The following CAB39 variants were observed in gnomAD, a reference collection of about 807,000 sequenced individuals.
CAB39 encodes the protein calcium binding protein 39, also known as calcium-binding protein 39.
Under a neutral mutation model 40.0 loss-of-function variants are expected in CAB39, and 8 were observed. The ratio of observed to expected loss-of-function variants is 0.20; its 90% CI spans 0.12 to 0.36. The LOEUF is 0.36. CAB39 is among the 10% of genes least tolerant of loss of function. CAB39 has a pLI of 1.00. For missense variants in CAB39, 270 were observed against 401.1 expected (o/e 0.67, Z 2.79); for synonymous variants, 156 against 141.6 (o/e 1.10, Z -0.72).
intron 4 of CAB39, among the ~76,000 whole-genome samples, chr2:230,795,105 G>A (rs1056521103): frequency 2.0e-5 from 3 of 151,978 alleles, no homozygotes; most frequent in Non-Finnish European, 2.9e-5. Flanking sequence ...GTGAAACCCC[G>A]CCTCTACTAA....
intron 1 of CAB39, among the ~76,000 whole-genome samples, chr2:230,734,045 C>A (rs1694741873): frequency 6.6e-6 from 1 of 152,184 alleles, no homozygotes; most frequent in South Asian, 2.1e-4. Context: ...CACTCGCAGC[C>A]CGCACTAGGC....
chr2:230,794,895 G>A (rs969470964), intron 4 of CAB39, among the ~76,000 whole-genome samples: 2 of 152,120 alleles, frequency 1.3e-5, no homozygotes, highest in African/African-American at 4.8e-5. Context: ...ACACAGTTAC[G>A]TTACCATTTG....
rs1481732192 is a variant in CAB39, at chr2:230,734,242, ACTGT to A, written c.-44+21017_-44+21020del. On this transcript the variant is annotated intron_variant, in intron 1 of 8. Transcript: ENST00000258418. ...AACCAAGAATACAGGCACTTTTAAG[ACTGT>A]CTGTTTCCTACTGCATTTCCTTGCT... is the stretch of plus-strand genomic sequence containing the variant. 9.2e-5 allele frequency among the ~76,000 whole-genome samples: 14 copies of A among 152,320 alleles called. No individual in the cohort carries two copies. In the East Asian group the frequency reaches 1.3e-3, roughly 15 times the overall value.
At position 230,819,154 on chromosome 2, in the gene CAB39, A is replaced by G. The variant is rs115168898; in HGVS notation, c.*450A>G. On this transcript the variant is annotated 3_prime_UTR_variant, in exon 9 of 9. Coordinates refer to ENST00000258418, the MANE Select transcript of CAB39 (RefSeq NM_016289.4). ...CGCGCACCTTCGCTGAAGGAAGATG[A>G]CGCAGAGCTTTATCTGAAATCAGAG... is the stretch of plus-strand genomic sequence containing the variant. The G allele has an allele frequency of 2.7e-3, 418 of 152,914 alleles. 1 individual carries two copies. The highest frequency in any genetic ancestry group is 6.8e-3 in the Middle Eastern group (2 of 296). 9.5% of individuals were successfully genotyped at this position (152,914 alleles called of 1,614,324 possible). A position where few individuals can be genotyped will look rare whatever the true frequency, so the allele number is the denominator to read the frequency against.
intron 1 of CAB39, among the ~76,000 whole-genome samples, chr2:230,740,451 G>T (rs552017274): frequency 6.6e-6 from 1 of 152,270 alleles, no homozygotes; most frequent in South Asian, 2.1e-4. Flanking sequence ...AGGAATAATT[G>T]TTCAGTCCTG....
chr2:230,771,449 C>T (rs1249137454), intron 2 of CAB39, among the ~76,000 whole-genome samples: 1 of 152,118 alleles, frequency 6.6e-6, no homozygotes, highest in African/African-American at 2.4e-5. Context: ...GAGTTGTACA[C>T]TGAAACCTGC....
At chr2:230,813,636 G>A (rs962271378) in intron 6 of CAB39, among the ~76,000 whole-genome samples, 2 of 152,084 alleles carry the variant, frequency 1.3e-5, no homozygotes, top group Non-Finnish European at 2.9e-5. Flanking sequence ...TTGAATTCTT[G>A]TTTATATAAA....
chr2:230,722,661 C>T (rs561007332), intron 1 of CAB39, among the ~76,000 whole-genome samples: 4 of 152,324 alleles, frequency 2.6e-5, no homozygotes, highest in African/African-American at 4.8e-5. Flanking sequence ...GTAAGAATGC[C>T]ATGCATAGCG....
rs377112339 is a variant in CAB39, at chr2:230,761,326, T to C, written c.114+1211T>C. Among the ~76,000 whole-genome samples the C allele has an allele frequency of 1.1e-4, 17 of 152,354 alleles. No homozygotes were observed. In the East Asian group the frequency reaches 2.9e-3, roughly 26 times the overall value. On this transcript the variant is annotated intron_variant, in intron 2 of 8. Transcript: ENST00000258418. The stretch of plus-strand genomic sequence containing the variant: ...ATCATCATTCCTGACTCTGAATTTA[T>C]ATGCTACCGATAAGCAGTCATTTTC...
At chr2:230,786,092 A>C (rs928714513) in intron 2 of CAB39, among the ~76,000 whole-genome samples, 1 of 136,938 alleles carries the variant, frequency 7.3e-6, no homozygotes, top group Non-Finnish European at 1.5e-5. Flanking sequence ...TGAACCCGGG[A>C]GGTGGAACTT....
At chr2:230,783,600 G>T (rs925388844) in intron 2 of CAB39, among the ~76,000 whole-genome samples, 1 of 92,934 alleles carries the variant, frequency 1.1e-5, no homozygotes, top group African/African-American at 4.3e-5. Flanking sequence ...CCAGGCTCAA[G>T]CAATCCTCCC....
At chr2:230,791,287 T>C (rs1385467471) in intron 3 of CAB39, among the ~76,000 whole-genome samples, 6 of 152,216 alleles carry the variant, frequency 3.9e-5, no homozygotes, top group Non-Finnish European at 7.3e-5. Context: ...ATATTCATTA[T>C]GCCATTTCAT....
chr2:230,797,627 C>T (rs1696010712), intron 4 of CAB39, among the ~76,000 whole-genome samples: 1 of 151,496 alleles, frequency 6.6e-6, no homozygotes, highest in Non-Finnish European at 1.5e-5. Context: ...CAGAAAATGC[C>T]TAACTAATTC....
At chr2:230,750,895 CA>C (rs1218312898) in intron 1 of CAB39, among the ~76,000 whole-genome samples, 1 of 152,170 alleles carries the variant, frequency 6.6e-6, no homozygotes, top group Non-Finnish European at 1.5e-5. Flanking sequence ...TCAGTTGAGG[CA>C]TAACAAAGTC....
intron 2 of CAB39, among the ~76,000 whole-genome samples, chr2:230,774,709 G>A (rs1695555158): frequency 6.6e-6 from 1 of 152,140 alleles, no homozygotes; most frequent in African/African-American, 2.4e-5. Flanking sequence ...TAAGAGGGGG[G>A]AAAGGGAGTA....
rs1440000053 is a variant in CAB39 at position 230,712,991 on chromosome 2, A to C, written c.-283A>C. On this transcript the variant is annotated 5_prime_UTR_variant, in exon 1 of 9. Transcript: ENST00000258418. ...CGCCGGGCCCCACAGCAGCAGCCGC[A>C]GCCCAAGCGAGCGCAGCAGCGCGGC... The C allele has an allele frequency of 6.6e-6, 1 of 150,952 alleles. No individual in the cohort carries two copies. The highest frequency in any genetic ancestry group is 2.4e-5 in the African/African-American group (1 of 41,286). The allele number at this position is 150,952 out of a possible 1,614,324, so 9.4% of individuals were successfully genotyped here. A position where few individuals can be genotyped will look rare whatever the true frequency, so the allele number is the denominator to read the frequency against.
intron 2 of CAB39, among the ~76,000 whole-genome samples, chr2:230,760,822 G>C (rs575355322): frequency 1.1e-4 from 16 of 152,104 alleles, no homozygotes; most frequent in African/African-American, 3.6e-4. Context: ...TCCCTAAATT[G>C]TTTATGATTC....
chr2:230,725,493 T>A, intron 1 of CAB39: 1 of 1,109,128 alleles, frequency 9.0e-7, no homozygotes, highest in Non-Finnish European at 1.3e-6. Flanking sequence ...TTTAATCTTT[T>A]AACAGCCCTT....
intron 1 of CAB39, among the ~76,000 whole-genome samples, chr2:230,720,743 T>C (rs1694435470): frequency 6.6e-6 from 1 of 152,196 alleles, no homozygotes; most frequent in Non-Finnish European, 1.5e-5. Flanking sequence ...ATGCCCCTTA[T>C]GCTAGGTACT....
Sources: gnomAD v4.1 joint callset for allele counts (sites outside exome capture counted in the v4.1 genomes callset) on GRCh38, gnomAD v4.1.1 for gene constraint, MANE v1.5 for transcripts, NCBI Gene and HGNC (gene_info 2026-07-23, HGNC 2026-07-21) for gene names.